Variants in TP63 observed in about 807,000 individuals in gnomAD.
The protein encoded by TP63 is tumor protein 63.
TP63 carries 17 observed loss-of-function variants against 82.8 expected under a neutral mutation model. The ratio of observed to expected loss-of-function variants is 0.21; its 90% CI spans 0.14 to 0.31. TP63 has a LOEUF of 0.31. Among genes scored for constraint, TP63 ranks in the 10% least tolerant of loss-of-function variants. The pLI is 1.00. For missense variants in TP63, 648 were observed against 895.3 expected, an observed-to-expected ratio of 0.72 and a Z score of 3.52; for synonymous variants, 330 against 321.7, an observed-to-expected ratio of 1.03 and a Z score of -0.28.
intron 5 of TP63, 133 bp downstream of exon 5, chr3:189,864,551 T>TC: frequency 1.2e-6 from 1 of 837,638 alleles, no homozygotes; most frequent in East Asian, 2.8e-5. Context: ...CTTTTTTTTT[T>TC]TTTTTTTTTT....
the TP63 span, among the ~76,000 whole-genome samples, chr3:189,596,789 C>T: frequency 6.6e-6 from 1 of 152,162 alleles, no homozygotes; most frequent in Non-Finnish European, 1.5e-5. Flanking sequence ...AAGCTTTGTT[C>T]TTTTGCTCTT....
intron 4 of TP63, among the ~76,000 whole-genome samples, chr3:189,834,906 T>C (rs149926908): frequency 5.9e-5 from 9 of 151,878 alleles, no homozygotes; most frequent in African/African-American, 2.2e-4. Flanking sequence ...TTTTTTGTCT[T>C]TGCTAAATGT....
intron 4 of TP63, among the ~76,000 whole-genome samples, chr3:189,834,134 C>T (rs1457143738): frequency 2.0e-5 from 3 of 152,116 alleles, no homozygotes; most frequent in Admixed American, 1.3e-4. Flanking sequence ...GCTTGACTAC[C>T]GTGGAGAGCT....
chr3:189,697,137 C>A (rs1717435659), intron 1 of TP63, among the ~76,000 whole-genome samples: 1 of 151,476 alleles, frequency 6.6e-6, no homozygotes, highest in South Asian at 2.1e-4. Context: ...TATTTTCTTC[C>A]AGACATTCTT....
chr3:189,833,974 T>A (rs1712741347), intron 4 of TP63, among the ~76,000 whole-genome samples: 1 of 152,196 alleles, frequency 6.6e-6, no homozygotes, highest in Non-Finnish European at 1.5e-5. Context: ...GTTCAGAATG[T>A]ATGTAGATAT....
intron 3 of TP63, among the ~76,000 whole-genome samples, 157 bp from the exon 4 acceptor site, chr3:189,808,113 TTC>T (rs932455662): frequency 5.9e-5 from 9 of 152,216 alleles, no homozygotes. Flanking sequence ...TTCTCTTGTT[TTC>T]TCTGTTTACC....
rs763625311 is a variant in TP63 at position 189,789,787 on chromosome 3, A to T, written c.325-18485A>T. 5 of 1,593,502 alleles carry T rather than the reference A, an allele frequency of 3.1e-6. No individual in the cohort carries two copies. In the South Asian group the frequency reaches 5.7e-5, roughly 18 times the overall value. ...GAAGAAAGGACAGCAGCATTGATCA[A>T]TCTTACAGCTAACATGTTGTACCTG... On this transcript the variant is annotated intron_variant, in intron 3 of 13. Transcript: ENST00000264731.
At chr3:189,669,642 C>A (rs1714720787) in intron 1 of TP63, among the ~76,000 whole-genome samples, 1 of 151,984 alleles carries the variant, frequency 6.6e-6, no homozygotes, top group Admixed American at 6.6e-5. Context: ...AAGCTTATTA[C>A]ATTTCTGAAT....
intron 1 of TP63, among the ~76,000 whole-genome samples, chr3:189,711,472 AGTT>A (rs1374592108): frequency 6.6e-6 from 1 of 152,124 alleles, no homozygotes; most frequent in East Asian, 1.9e-4. Context: ...GGTCCACTAG[AGTT>A]GTTAAAAAGT....
At chr3:189,684,321 A>G (rs924406406) in intron 1 of TP63, among the ~76,000 whole-genome samples, 1 of 152,184 alleles carries the variant, frequency 6.6e-6, no homozygotes, top group South Asian at 2.1e-4. Flanking sequence ...GTTAATCATC[A>G]TACACATTAT....
intron 10 of TP63, among the ~76,000 whole-genome samples, chr3:189,883,875 A>G (rs1312953118): frequency 1.3e-5 from 2 of 152,144 alleles, no homozygotes; most frequent in Non-Finnish European, 2.9e-5. Context: ...TAATAACCAT[A>G]AGCTAAAGAA....
At position 189,834,877 on chromosome 3, in the gene TP63, T is replaced by C. The variant is rs2108720512; in HGVS notation, c.579+26351T>C. Among the ~76,000 whole-genome samples the C allele has an allele frequency of 2.8e-5, 4 of 143,752 alleles. No individual in the cohort carries two copies. The South Asian group carries it at 8.9e-4, about 32-fold the overall frequency. The allele number at this position is 143,752 out of a possible 152,430, so 94.3% of individuals were successfully genotyped here. A position where few individuals can be genotyped will look rare whatever the true frequency, so the allele number is the denominator to read the frequency against. ...AAACATAATAGATGTTGATTTCATA[T>C]GGTTTTTTTCCTTTTTTTTTTTTTG... On this transcript the variant is annotated intron_variant, in intron 4 of 13. Coordinates refer to ENST00000264731, the MANE Select transcript of TP63 (RefSeq NM_003722.5).
chr3:189,682,547 AAAAAAAATATATATATATATATATAT>A (rs1173064325), intron 1 of TP63, among the ~76,000 whole-genome samples: 1,492 of 27,748 alleles, frequency 0.054, 58 homozygotes, highest in East Asian at 0.1. Flanking sequence ...AAAAAAAAAA[AAAAAAAATATATATATATATATATAT>A]ATATATATAT....
chr3:189,748,508 C>CAAAAAAAAAAAAAAAAAAAAA (rs58926854), intron 3 of TP63, among the ~76,000 whole-genome samples: 3 of 31,252 alleles, frequency 9.6e-5, no homozygotes, highest in Non-Finnish European at 1.7e-4. Flanking sequence ...AGGAAAACTA[C>CAAAAAAAAAAAAAAAAAAAAA]AAAAAAAAAA....
At chr3:189,732,107 C>A (rs535282517) in intron 1 of TP63, among the ~76,000 whole-genome samples, 2 of 152,150 alleles carry the variant, frequency 1.3e-5, no homozygotes, top group African/African-American at 4.8e-5. Flanking sequence ...ATACCTTAGA[C>A]AAGAAAAAGC....
intron 1 of TP63, among the ~76,000 whole-genome samples, chr3:189,632,941 A>G (rs1216302698): frequency 6.6e-6 from 1 of 152,110 alleles, no homozygotes; most frequent in African/African-American, 2.4e-5. Flanking sequence ...TTGTGATGAA[A>G]TAGTAACTGT....
intron 3 of TP63, among the ~76,000 whole-genome samples, chr3:189,770,923 A>ATCT (rs1318579308): frequency 2.0e-5 from 3 of 152,160 alleles, no homozygotes; most frequent in Admixed American, 2.0e-4. Flanking sequence ...ACAAACAAAT[A>ATCT]TCTTATGTTT....
chr3:189,674,701 G>C (rs1456740501), intron 1 of TP63, among the ~76,000 whole-genome samples: 4 of 152,100 alleles, frequency 2.6e-5, no homozygotes, highest in African/African-American at 7.2e-5. Context: ...GATTCCCAAA[G>C]TGTCAGAGAA....
chr3:189,809,146 C>A (rs1727260697), intron 4 of TP63, among the ~76,000 whole-genome samples: 1 of 151,858 alleles, frequency 6.6e-6, no homozygotes, highest in South Asian at 2.1e-4. Flanking sequence ...TGGAAACATT[C>A]TTTTCGAAAA....
Sources: gnomAD v4.1 joint callset for allele counts (sites outside exome capture counted in the v4.1 genomes callset) on GRCh38, gnomAD v4.1.1 for gene constraint, MANE v1.5 for transcripts, NCBI Gene and HGNC (gene_info 2026-07-23, HGNC 2026-07-21) for gene names.